Variants in PIK3CB observed in about 807,000 individuals in gnomAD.
The protein encoded by PIK3CB is phosphatidylinositol-4,5-bisphosphate 3-kinase catalytic subunit beta.
Under a neutral mutation model 136.8 loss-of-function variants are expected in PIK3CB, and 39 were observed. The observed-to-expected ratio is 0.29, with a 90% CI of 0.22 to 0.37. The LOEUF is 0.37. Ranked by LOEUF, PIK3CB falls within the 10% of genes least tolerant of loss-of-function variation. PIK3CB has a pLI of 1.00. For synonymous variants in PIK3CB, 428 were observed against 436.6 expected (o/e 0.98, Z 0.25); for missense variants, 868 against 1,275.4 (o/e 0.68, Z 4.87).
chr3:138,668,469 C>G (rs1243560698), intron 19 of PIK3CB, among the ~76,000 whole-genome samples: 1 of 152,116 alleles, frequency 6.6e-6, no homozygotes, highest in Non-Finnish European at 1.5e-5. Context: ...ACCTAGGTAC[C>G]CTCTGCACTC....
intron 16 of PIK3CB, chr3:138,685,249 C>G (rs573011815): frequency 6.5e-6 from 1 of 154,124 alleles, no homozygotes; most frequent in African/African-American, 2.4e-5. Context: ...CAAAAATTTG[C>G]TGGGCATGGT....
chr3:138,728,423 G>A (rs1268160162), intron 8 of PIK3CB, among the ~76,000 whole-genome samples: 1 of 152,026 alleles, frequency 6.6e-6, no homozygotes, highest in Non-Finnish European at 1.5e-5. Context: ...GTATAAAAAG[G>A]CTAACACATC....
At chr3:138,729,801 T>C (rs1190257307) in intron 8 of PIK3CB, among the ~76,000 whole-genome samples, 1 of 152,206 alleles carries the variant, frequency 6.6e-6, no homozygotes, top group Non-Finnish European at 1.5e-5. Flanking sequence ...AAATCTTCTA[T>C]ATTTTTTGCT....
At chr3:138,700,172 T>G (rs1404834522) in intron 12 of PIK3CB, among the ~76,000 whole-genome samples, 1 of 152,136 alleles carries the variant, frequency 6.6e-6, no homozygotes, top group East Asian at 1.9e-4. Context: ...CAGTGAGCCA[T>G]GATCGTGTCA....
chr3:138,772,788 T>TC (rs1207678966), intron 2 of PIK3CB, among the ~76,000 whole-genome samples: 2 of 142,954 alleles, frequency 1.4e-5, no homozygotes, highest in African/African-American at 5.2e-5. Context: ...ATTCTCTTTT[T>TC]TTTTTTTTTT....
intron 8 of PIK3CB, among the ~76,000 whole-genome samples, chr3:138,716,870 G>A (rs1405814668): frequency 2.2e-5 from 3 of 137,452 alleles, no homozygotes; most frequent in African/African-American, 8.5e-5. Context: ...CTCCAGCCTG[G>A]GTGACAGAGA....
At chr3:138,796,702 C>CT (rs2046112822) in intron 1 of PIK3CB, 135 bp from the exon 2 acceptor site, 1 of 152,108 alleles carries the variant, frequency 6.6e-6, no homozygotes, top group South Asian at 2.1e-4. Flanking sequence ...TCTAATGAGG[C>CT]TGAAGATCTT....
intron 21 of PIK3CB, among the ~76,000 whole-genome samples, chr3:138,658,219 C>T (rs1384283970): frequency 6.6e-6 from 1 of 152,074 alleles, no homozygotes; most frequent in African/African-American, 2.4e-5. Flanking sequence ...GAAGCTGAGG[C>T]AGGAGGATCA....
At position 138,699,382 on chromosome 3, in the gene PIK3CB, C is replaced by A. The variant is rs2108532669; in HGVS notation, c.1582-287G>T. ...CCAAGTCAGGCCAGGCAAGGTGGCTCACGCCTGTAATCCCAACACTTTGGG... is the reference window on the plus strand; with the variant it reads ...CCAAGTCAGGCCAGGCAAGGTGGCTAACGCCTGTAATCCCAACACTTTGGG... On this transcript the variant is annotated intron_variant, in intron 12 of 23. Coordinates refer to ENST00000674063, the MANE Select transcript of PIK3CB (RefSeq NM_006219.3). 2.0e-5 allele frequency among the ~76,000 whole-genome samples: 3 copies of A among 152,184 alleles called. No individual in the cohort carries two copies. The East Asian group carries it at 5.8e-4, about 29-fold the overall frequency.
At chr3:138,693,958 T>TA (rs2044070598) in intron 14 of PIK3CB, among the ~76,000 whole-genome samples, 1 of 34,034 alleles carries the variant, frequency 2.9e-5, no homozygotes, top group Non-Finnish European at 4.4e-5. Context: ...TATATATATA[T>TA]ATATATATTA....
At chr3:138,764,384 G>A (rs747339027) in intron 2 of PIK3CB, among the ~76,000 whole-genome samples, 36 of 152,208 alleles carry the variant, frequency 2.4e-4, no homozygotes, top group Non-Finnish European at 3.8e-4. Flanking sequence ...CCAGGAGGCT[G>A]AGGCTGCAGT....
chr3:138,715,799 A>C (rs950994307), intron 8 of PIK3CB, among the ~76,000 whole-genome samples: 3 of 151,908 alleles, frequency 2.0e-5, no homozygotes, highest in African/African-American at 7.2e-5. Flanking sequence ...TTATGCTGGC[A>C]TAAATAAAAC....
At chr3:138,826,499 G>GTTTTTT (rs34843148) in intron 1 of PIK3CB, among the ~76,000 whole-genome samples, 5 of 95,934 alleles carry the variant, frequency 5.2e-5, no homozygotes, top group African/African-American at 8.1e-5. Flanking sequence ...GACCATTTGG[G>GTTTTTT]TTTTTTTTTT....
intron 4 of PIK3CB, among the ~76,000 whole-genome samples, chr3:138,753,867 T>C (rs2108713466): frequency 6.6e-6 from 1 of 152,292 alleles, no homozygotes; most frequent in South Asian, 2.1e-4. Flanking sequence ...GATTAACAAA[T>C]ATTTTAGCTT....
chr3:138,743,430 T>C (rs2045283816), intron 4 of PIK3CB, among the ~76,000 whole-genome samples: 1 of 152,248 alleles, frequency 6.6e-6, no homozygotes, highest in South Asian at 2.1e-4. Context: ...ATGGTTATCA[T>C]ATATTGTTTT....
rs1433833780 is a variant in PIK3CB, at chr3:138,773,370, G to A, written c.-16-14011C>T. Among the ~76,000 whole-genome samples, 4 of 151,854 alleles carry A rather than the reference G, an allele frequency of 2.6e-5. No homozygotes were observed. The East Asian group carries it at 5.8e-4, about 22-fold the overall frequency. The stretch of plus-strand genomic sequence containing the variant: ...CACGCCACTACACTCCAGCCTGGGC[G>A]ATAGAGTGAGTGAGATACTGTCAAA... On this transcript the variant is annotated intron_variant, in intron 2 of 23. Coordinates refer to ENST00000674063, the MANE Select transcript of PIK3CB (RefSeq NM_006219.3).
At chr3:138,681,040 A>ATT (rs2043764541) in intron 19 of PIK3CB, among the ~76,000 whole-genome samples, 1 of 139,062 alleles carries the variant, frequency 7.2e-6, no homozygotes, top group Admixed American at 7.2e-5. Context: ...TTTTCATGTT[A>ATT]GTTTTTTTTT....
intron 8 of PIK3CB, among the ~76,000 whole-genome samples, chr3:138,726,735 T>C (rs889309095): frequency 6.6e-6 from 1 of 151,914 alleles, no homozygotes; most frequent in Non-Finnish European, 1.5e-5. Flanking sequence ...GATGTACACA[T>C]GAAAGAGGAA....
chr3:138,763,131 T>C (rs914409279), intron 2 of PIK3CB, among the ~76,000 whole-genome samples: 1 of 151,868 alleles, frequency 6.6e-6, no homozygotes, highest in African/African-American at 2.4e-5. Context: ...AGTATGTATG[T>C]ATGTATGTAT....
Sources: gnomAD v4.1 joint callset for allele counts (sites outside exome capture counted in the v4.1 genomes callset) on GRCh38, gnomAD v4.1.1 for gene constraint, MANE v1.5 for transcripts, NCBI Gene and HGNC (gene_info 2026-07-23, HGNC 2026-07-21) for gene names.